The following RYR3 variants were observed in gnomAD, a reference collection of about 807,000 sequenced individuals.
The protein encoded by RYR3 is ryanodine receptor 3.
Under a neutral mutation model 584.3 loss-of-function variants are expected in RYR3, and 207 were observed. That is an observed-to-expected ratio of 0.35 (90% confidence interval 0.32 to 0.40). The LOEUF (loss-of-function observed/expected upper bound fraction) is 0.40, where lower values mean the gene tolerates loss of function less well. RYR3 is among the 10% of genes least tolerant of loss of function. The pLI, the probability that RYR3 is intolerant of heterozygous loss-of-function variation, is 1.00. For synonymous variants in RYR3, 2,416 were observed against 2,248.5 expected (o/e 1.07, Z -2.11); for missense variants, 5,616 against 6,089.2 (o/e 0.92, Z 2.59).
At chr15:33,850,909 T>C (rs2079063792) in intron 94 of RYR3, 1 of 152,204 alleles carries the variant, frequency 6.6e-6, no homozygotes, top group African/African-American at 2.4e-5. Flanking sequence ...ATATTCATTC[T>C]CCTGCCTTAT....
Position 33,765,632 on chromosome 15 carries a change from C to CAAAAAA in RYR3, c.8706-3008_8706-3003dup, listed in dbSNP as rs761552773. On this transcript the variant is annotated intron_variant, in intron 60 of 103. Coordinates refer to ENST00000634891, the MANE Select transcript of RYR3 (RefSeq NM_001036.6). The stretch of plus-strand genomic sequence containing the variant: ...TCGCCAATAGAGTGAGACTCCGTCT[C>CAAAAAA]AAAAAAAAAAAAAAAAAAAAAAAGA... Among the ~76,000 whole-genome samples the CAAAAAA allele has an allele frequency of 4.5e-3, 272 of 60,856 alleles. 2 individuals are homozygous for CAAAAAA. The highest frequency in any genetic ancestry group is 0.021 in the Middle Eastern group (2 of 96). The allele number at this position is 60,856 out of a possible 152,430, so 39.9% of individuals were successfully genotyped here.
intron 48 of RYR3, among the ~76,000 whole-genome samples, chr15:33,732,309 A>AT (rs1395690350): frequency 1.3e-5 from 2 of 151,184 alleles, no homozygotes; most frequent in East Asian, 3.9e-4. Flanking sequence ...AATGGCGTGA[A>AT]CCTGGGACGT....
intron 1 of RYR3, among the ~76,000 whole-genome samples, chr15:33,345,103 C>G (rs1212190294): frequency 1.3e-5 from 2 of 151,508 alleles, no homozygotes; most frequent in Non-Finnish European, 2.9e-5. Context: ...TTTTCTTTTT[C>G]TTTTTTTTGC....
chr15:33,838,091 G>A lies in RYR3; in HGVS notation c.12111G>A (p.Gly4037=). 1 of 1,613,922 alleles carries A rather than the reference G, an allele frequency of 6.2e-7. No homozygotes were observed. Among genetic ancestry groups the A allele is most frequent in the Non-Finnish European group, 8.5e-7 (1 of 1,179,880 alleles). Residue 4037 remains glycine, a synonymous_variant, in exon 89 of 104, where the codon GGG becomes GGA. Coordinates refer to ENST00000634891, the MANE Select transcript of RYR3 (RefSeq NM_001036.6). ...PYLGRIEIMG[G]AKKIERVYFE... ...TAGGACGCATCGAGATCATGGGTGG[G>A]GCCAAGAAGATTGAGCGTGTTTATT...
intron 96 of RYR3, among the ~76,000 whole-genome samples, chr15:33,854,060 G>C (rs2079381718): frequency 2.0e-5 from 3 of 152,012 alleles, no homozygotes; most frequent in Non-Finnish European, 4.4e-5. Context: ...GCTAGGCGTG[G>C]TGGTGGGCAC....
chr15:33,852,749 A>G (rs1275164251), intron 94 of RYR3: 2 of 293,114 alleles, frequency 6.8e-6, no homozygotes, highest in African/African-American at 2.2e-5. Context: ...TTAGAAACAT[A>G]CAACTGTCTC....
intron 1 of RYR3, among the ~76,000 whole-genome samples, chr15:33,321,759 G>A (rs971830298): frequency 6.6e-6 from 1 of 152,146 alleles, no homozygotes; most frequent in Admixed American, 6.5e-5. Flanking sequence ...GTGGGCTTTT[G>A]GTCTCCTTAA....
intron 48 of RYR3, among the ~76,000 whole-genome samples, chr15:33,732,241 A>T (rs1221963565): frequency 6.8e-6 from 1 of 147,440 alleles, no homozygotes; most frequent in African/African-American, 2.5e-5. Context: ...AAAAAAAAAT[A>T]GCCGGGTATG....
chr15:33,744,027 C>T (rs1234180131), intron 52 of RYR3, among the ~76,000 whole-genome samples: 1 of 152,146 alleles, frequency 6.6e-6, no homozygotes, highest in Non-Finnish European at 1.5e-5. Context: ...TTGCCCTCTG[C>T]CCTCCAGCCA....
chr15:33,488,053 A>G (rs886493911), intron 2 of RYR3, among the ~76,000 whole-genome samples: 6 of 152,248 alleles, frequency 3.9e-5, no homozygotes, highest in African/African-American at 1.4e-4. Flanking sequence ...AAAGAAAAAA[A>G]CATCCACCTT....
chr15:33,524,448 G>GT (rs2054247120), intron 3 of RYR3, among the ~76,000 whole-genome samples: 3 of 152,106 alleles, frequency 2.0e-5, no homozygotes. Flanking sequence ...TTCTTTCCAG[G>GT]TTTTTTGTTT....
At chr15:33,450,618 A>G (rs114273918) in intron 1 of RYR3, among the ~76,000 whole-genome samples, 350 of 150,552 alleles carry the variant, frequency 2.3e-3, no homozygotes, top group African/African-American at 8.2e-3. Context: ...TTTTTTTTTA[A>G]TACAATGTCA....
chr15:33,841,771 C>G (rs2078381563), intron 90 of RYR3, 93 bp from the exon 91 acceptor site: 5 of 1,303,834 alleles, frequency 3.8e-6, no homozygotes, highest in South Asian at 1.5e-5. Flanking sequence ...CCTCCCGGCC[C>G]TCTCAATCCA....
intron 43 of RYR3, among the ~76,000 whole-genome samples, chr15:33,707,759 C>T (rs1424161166): frequency 6.6e-6 from 1 of 152,130 alleles, no homozygotes; most frequent in Non-Finnish European, 1.5e-5. Flanking sequence ...TAACAAATTG[C>T]ACTAAGCAGG....
intron 16 of RYR3, among the ~76,000 whole-genome samples, chr15:33,594,810 G>A (rs1333713302): frequency 6.6e-6 from 1 of 152,082 alleles, no homozygotes; most frequent in African/African-American, 2.4e-5. Context: ...CAATTGACAA[G>A]GAAATTTGTT....
rs991186397 is a variant in RYR3 at position 33,548,210 on chromosome 15, G to A, written c.815+6G>A. 5.1e-6 allele frequency: 8 copies of A among 1,555,842 alleles called. No homozygotes were observed. In the East Asian group the frequency reaches 9.0e-5, roughly 17 times the overall value. ...GTGGAACCCCTTCGGATAAGGTAAT[G>A]GAAGGCCTGGGAATGCCCTTTTCAA... On this transcript the variant is annotated splice_donor_region_variant and intron_variant, in intron 9 of 103. Transcript: ENST00000634891.
At position 33,854,438 on chromosome 15, in the gene RYR3, T is replaced by C; in HGVS notation, c.13849T>C (p.Phe4617Leu). The C allele has an allele frequency of 1.3e-6, 2 of 1,574,450 alleles. No individual in the cohort carries two copies. Among genetic ancestry groups the C allele is most frequent in the Non-Finnish European group, 1.7e-6 (2 of 1,158,796 alleles). ...KYHIWKLGVV[F>L]TDNSFLYLAW... Reference sequence around the variant, plus strand: ...CCATATCTGGAAGCTTGGAGTTGTTTTTACTGACAACGTAAGTACTGCACC... The same window carrying C: ...CCATATCTGGAAGCTTGGAGTTGTTCTTACTGACAACGTAAGTACTGCACC... The change falls in exon 97 of 104, where the codon TTT (phenylalanine) becomes CTT (leucine). Residue 4617 changes from phenylalanine to leucine, a missense_variant. Physicochemically the swap from Phe to Leu is conservative, Grantham distance 22. Coordinates refer to ENST00000634891, the MANE Select transcript of RYR3 (RefSeq NM_001036.6).
At chr15:33,364,381 A>G (rs1975186797) in intron 1 of RYR3, among the ~76,000 whole-genome samples, 1 of 152,202 alleles carries the variant, frequency 6.6e-6, no homozygotes, top group Admixed American at 6.5e-5. Context: ...ATAAGTGATT[A>G]TATTTTACTG....
intron 32 of RYR3, among the ~76,000 whole-genome samples, chr15:33,653,202 C>A (rs2062596007): frequency 6.6e-6 from 1 of 152,260 alleles, no homozygotes; most frequent in Non-Finnish European, 1.5e-5. Flanking sequence ...GCAGCCTTAT[C>A]TATTACCTGC....
Sources: gnomAD v4.1 joint callset for allele counts (sites outside exome capture counted in the v4.1 genomes callset) on GRCh38, gnomAD v4.1.1 for gene constraint, MANE v1.5 for transcripts, NCBI Gene and HGNC (gene_info 2026-07-23, HGNC 2026-07-21) for gene names.